Variants in DPYSL2 observed in about 807,000 individuals in gnomAD.
The protein encoded by DPYSL2 is dihydropyrimidinase-related protein 2.
Under a neutral mutation model 69.9 loss-of-function variants are expected in DPYSL2, and 13 were observed. That is an observed-to-expected ratio of 0.19 (90% CI 0.12 to 0.30). The LOEUF (loss-of-function observed/expected upper bound fraction) is 0.30, where lower values mean the gene tolerates loss of function less well. DPYSL2 is among the 10% of genes least tolerant of loss of function. The pLI, the probability that DPYSL2 is intolerant of heterozygous loss-of-function variation, is 1.00. For synonymous variants in DPYSL2, 326 were observed against 359.1 expected (o/e 0.91, Z 1.04); for missense variants, 587 against 918.9 (o/e 0.64, Z 4.67).
chr8:26,578,345 CAGA>C (rs1205909388), intron 1 of DPYSL2: 2 of 1,611,908 alleles, frequency 1.2e-6, no homozygotes, highest in Non-Finnish European at 1.7e-6. Flanking sequence ...TTTTGTAGCA[CAGA>C]AGGTCTAAGG....
chr8:26,647,743 C>A lies in DPYSL2; in HGVS notation c.1539C>A (p.Asp513Glu). The A allele has an allele frequency of 6.2e-7, 1 of 1,614,078 alleles. No homozygotes were observed. Reference sequence around the variant, plus strand: ...GCATTGCTGTGGGATCCGATGCCGACCTGGTCATCTGGGACCCCGACAGCG... The same window carrying A: ...GCATTGCTGTGGGATCCGATGCCGAACTGGTCATCTGGGACCCCGACAGCG... Reference protein sequence around the residue: ...KGRIAVGSDADLVIWDPDSVK... With the variant: ...KGRIAVGSDAELVIWDPDSVK... Residue 513 changes from aspartate to glutamate, a missense_variant, in exon 11 of 14, where the codon GAC (aspartate) becomes GAA (glutamate). Coordinates refer to ENST00000521913, the MANE Select transcript of DPYSL2 (RefSeq NM_001197293.3). The surrounding 1 kb of genome is among the most constrained non-coding windows in gnomAD (Gnocchi z 5.1).
intron 3 of DPYSL2, among the ~76,000 whole-genome samples, chr8:26,599,311 G>C (rs1801939732): frequency 6.6e-6 from 1 of 152,048 alleles, no homozygotes; most frequent in African/African-American, 2.4e-5. Context: ...TGGTCCCCCT[G>C]GCAGGTAAAG....
At position 26,596,530 on chromosome 8, in the gene DPYSL2, T is replaced by G. The variant is rs1310587100; in HGVS notation, c.628+12547T>G. Among the ~76,000 whole-genome samples, 2 of 152,224 alleles carry G rather than the reference T, an allele frequency of 1.3e-5. 1 individual carries two copies. The highest frequency in any genetic ancestry group is 4.8e-5 in the African/African-American group (2 of 41,464). On this transcript the variant is annotated intron_variant, in intron 3 of 13. Coordinates refer to ENST00000521913, the MANE Select transcript of DPYSL2 (RefSeq NM_001197293.3). ...GGAGTCATGGGTAGGAGTTGTGTGA[T>G]TCTGTCCTTTTCACAAGAGATGGTT...
chr8:26,577,698 G>T, intron 1 of DPYSL2: 1 of 642,594 alleles, frequency 1.6e-6, no homozygotes, highest in Non-Finnish European at 1.9e-6. Context: ...CCACCGCCCC[G>T]GCCCGAAGAA....
intron 3 of DPYSL2, among the ~76,000 whole-genome samples, chr8:26,603,845 T>C (rs1384329276): frequency 6.6e-6 from 1 of 152,256 alleles, no homozygotes; most frequent in Admixed American, 6.5e-5. Context: ...TATTTCATCG[T>C]ATATATAGAC....
rs80237885 is a variant in DPYSL2, at chr8:26,626,046, A to G, written c.794-571A>G. Among the ~76,000 whole-genome samples the G allele has an allele frequency of 4.0e-3, 608 of 152,278 alleles. 1 individual carries two copies. The highest frequency in any genetic ancestry group is 6.8e-3 in the Middle Eastern group (2 of 294). The stretch of plus-strand genomic sequence containing the variant: ...TGCTGTTGTACTTTCTGTCTGTGAA[A>G]TTGACTTCTAGGGACCTCATACAAG... On this transcript the variant is annotated intron_variant, in intron 4 of 13. Coordinates refer to ENST00000521913, the MANE Select transcript of DPYSL2 (RefSeq NM_001197293.3). The surrounding 1 kb of genome is among the most constrained non-coding windows in gnomAD (Gnocchi z 4.3).
chr8:26,611,640 A>C (rs929293143), intron 3 of DPYSL2, among the ~76,000 whole-genome samples: 1 of 152,234 alleles, frequency 6.6e-6, no homozygotes, highest in Non-Finnish European at 1.5e-5. Flanking sequence ...CACTGAGCCA[A>C]GGATTTCAAC....
At chr8:26,622,090 TTTCCTTCCTTCCTTCCTTCCTTCC>T (rs59707085) in intron 3 of DPYSL2, among the ~76,000 whole-genome samples, 13 of 64,374 alleles carry the variant, frequency 2.0e-4, no homozygotes, top group Non-Finnish European at 1.9e-4. Flanking sequence ...TCTTTCTTTC[TTTCCTTCCTTCCTTCCTTCCTTCC>T]TTCCTTCCTT....
chr8:26,596,511 A>T (rs1324406329), intron 3 of DPYSL2, among the ~76,000 whole-genome samples: 1 of 152,194 alleles, frequency 6.6e-6, no homozygotes, highest in Non-Finnish European at 1.5e-5. Context: ...GCCGGGAGTC[A>T]TGGGTAGGAG....
intron 2 of DPYSL2, among the ~76,000 whole-genome samples, chr8:26,583,532 C>T (rs562430557): frequency 3.9e-5 from 6 of 152,130 alleles, no homozygotes; most frequent in Non-Finnish European, 7.4e-5. Flanking sequence ...GCCTTGTTAT[C>T]ATTTGATCTT....
In DPYSL2 at chr8:26,598,922, C is replaced by T. The variant is rs1033862961; in HGVS notation, c.628+14939C>T. Reference sequence around the variant, plus strand: ...TTTTCCCCACTGTGCGTATTCTTAGCTGCGCAAGTGTCGTGCATGTGCGTT... The same window carrying T: ...TTTTCCCCACTGTGCGTATTCTTAGTTGCGCAAGTGTCGTGCATGTGCGTT... On this transcript the variant is annotated intron_variant, in intron 3 of 13. Coordinates refer to ENST00000521913, the MANE Select transcript of DPYSL2 (RefSeq NM_001197293.3). This position sits in a 1 kb window ranked among gnomAD's most constrained non-coding sequence, Gnocchi z 4.2. Among the ~76,000 whole-genome samples the T allele has an allele frequency of 1.3e-5, 2 of 152,244 alleles. No homozygotes were observed. The highest frequency in any genetic ancestry group is 6.5e-5 in the Admixed American group (1 of 15,284).
Position 26,571,343 on chromosome 8 carries a change from G to A in DPYSL2, c.355-10626G>A, listed in dbSNP as rs1201520173. 1.3e-5 allele frequency among the ~76,000 whole-genome samples: 2 copies of A among 152,176 alleles called. No individual in the cohort carries two copies. Among genetic ancestry groups the A allele is most frequent in the Non-Finnish European group, 2.9e-5 (2 of 68,034 alleles). ...TACTTGGGCACACCAACGGAAACAA[G>A]TGATCTCCAAGGCCCTGCCCTGGCT... On this transcript the variant is annotated intron_variant, in intron 1 of 13. Coordinates refer to ENST00000521913, the MANE Select transcript of DPYSL2 (RefSeq NM_001197293.3). The surrounding 1 kb of genome is among the most constrained non-coding windows in gnomAD (Gnocchi z 6.1).
intron 3 of DPYSL2, among the ~76,000 whole-genome samples, chr8:26,604,174 A>G (rs1354041117): frequency 6.6e-6 from 1 of 152,244 alleles, no homozygotes; most frequent in Non-Finnish European, 1.5e-5. Context: ...GCCTCTCCTG[A>G]AAAGTGAACC....
chr8:26,610,492 CTTGT>C lies in DPYSL2; in HGVS notation c.629-13643_629-13640del, dbSNP rs2129850219. Among the ~76,000 whole-genome samples the C allele has an allele frequency of 6.6e-6, 1 of 152,218 alleles. No homozygotes were observed. The highest frequency in any genetic ancestry group is 2.4e-5 in the African/African-American group (1 of 41,520). ...TGCTGTGTGAACAGGACAGATTTGTCTTGTTTGTTTGGGTCGTATGCAGTTTCAT... is the reference window on the plus strand; with the variant it reads ...TGCTGTGTGAACAGGACAGATTTGTCTTGTTTGGGTCGTATGCAGTTTCAT... On this transcript the variant is annotated intron_variant, in intron 3 of 13. Coordinates refer to ENST00000521913, the MANE Select transcript of DPYSL2 (RefSeq NM_001197293.3). The surrounding 1 kb of genome is among the most constrained non-coding windows in gnomAD (Gnocchi z 4.5).
At position 26,650,632 on chromosome 8, in the gene DPYSL2, A is replaced by C. The variant is rs1345993211; in HGVS notation, c.1597-1625A>C. On this transcript the variant is annotated intron_variant, in intron 11 of 13. Coordinates refer to ENST00000521913, the MANE Select transcript of DPYSL2 (RefSeq NM_001197293.3). The surrounding 1 kb of genome is among the most constrained non-coding windows in gnomAD (Gnocchi z 5.3). The stretch of plus-strand genomic sequence containing the variant: ...TTCCATTAGGTTATGTACCACGATG[A>C]AAGAAAACATGCCCAAGACGAGGAG... Among the ~76,000 whole-genome samples, 5 of 152,194 alleles carry C rather than the reference A, an allele frequency of 3.3e-5. No homozygotes were observed. Among genetic ancestry groups the C allele is most frequent in the African/African-American group, 1.2e-4 (5 of 41,462 alleles).
intron 1 of DPYSL2, among the ~76,000 whole-genome samples, chr8:26,553,898 C>CTTTTTTT (rs35594312): frequency 8.5e-6 from 1 of 117,066 alleles, no homozygotes. Flanking sequence ...TATTTTTGGG[C>CTTTTTTT]TTTTTTTTTT....
Position 26,597,283 on chromosome 8 carries a change from G to A in DPYSL2, c.628+13300G>A, listed in dbSNP as rs563411333. 6.6e-6 allele frequency among the ~76,000 whole-genome samples: 1 copy of A among 152,204 alleles called. No homozygotes were observed. Among genetic ancestry groups the A allele is most frequent in the African/African-American group, 2.4e-5 (1 of 41,448 alleles). On this transcript the variant is annotated intron_variant, in intron 3 of 13. Transcript: ENST00000521913. The surrounding 1 kb of genome is among the most constrained non-coding windows in gnomAD (Gnocchi z 5.2). ...AATCCTTCTTCTGGGAGGCCCGGGA[G>A]CCTTCTTCCATGCGGGGCCAGATTG...
At chr8:26,568,598 A>G (rs1276672777) in intron 1 of DPYSL2, among the ~76,000 whole-genome samples, 1 of 152,222 alleles carries the variant, frequency 6.6e-6, no homozygotes. Flanking sequence ...AATTGCCCCA[A>G]AGTGTCCTCT....
chr8:26,585,341 C>T lies in DPYSL2; in HGVS notation c.628+1358C>T, dbSNP rs1315270265. Among the ~76,000 whole-genome samples, 1 of 152,086 alleles carries T rather than the reference C, an allele frequency of 6.6e-6. No homozygotes were observed. Among genetic ancestry groups the T allele is most frequent in the Non-Finnish European group, 1.5e-5 (1 of 68,018 alleles). ...AGCTAGAGGAATGTTGCCCTGCCAT[C>T]CCCTCCTAGTCTGAGTTGCCCCGCA... is the stretch of plus-strand genomic sequence containing the variant. On this transcript the variant is annotated intron_variant, in intron 3 of 13. Transcript: ENST00000521913. The surrounding 1 kb of genome is among the most constrained non-coding windows in gnomAD (Gnocchi z 4.0).
Sources: allele counts gnomAD v4.1 joint callset (sites outside exome capture counted in the v4.1 genomes callset), GRCh38; gene constraint gnomAD v4.1.1; non-coding constraint Gnocchi (gnomAD v3.1); transcripts MANE v1.5; gene names NCBI Gene and HGNC (gene_info 2026-07-23, HGNC 2026-07-21).